The following LUZP1 variants were observed in gnomAD, a reference collection of about 807,000 sequenced individuals.
LUZP1 encodes the protein filamin mechanobinding actin cross-linking protein.
A neutral mutation model predicts 71.3 loss-of-function variants in LUZP1; 25 were observed. That is an observed-to-expected ratio of 0.35 (90% CI 0.26 to 0.49). The LOEUF is 0.49. Among genes scored for constraint, LUZP1 ranks in the 20% least tolerant of loss-of-function variants. The probability of loss-of-function intolerance (pLI) is 0.99; values close to 1 mark genes in which losing one functional copy is unlikely to be tolerated. For missense variants in LUZP1, 1,142 were observed against 1,300.8 expected (o/e 0.88, Z 1.88); for synonymous variants, 481 against 506.4 (o/e 0.95, Z 0.67).
rs1048930097 is a variant in LUZP1, at chr1:23,119,947, T to TG, written c.-225-10821_-225-10820insC. The stretch of plus-strand genomic sequence containing the variant: ...CAGGTTTTGTTTTTTGTTGGTAGTT[T>TG]TTTTTTTTTTTAAAGACAGAGTCGT... On this transcript the variant is annotated intron_variant, in intron 2 of 4. Transcript: ENST00000302291. 3.3e-4 allele frequency among the ~76,000 whole-genome samples: 50 copies of TG among 151,418 alleles called. No homozygotes were observed. The Middle Eastern group carries it at 0.021, about 62-fold the overall frequency.
intron 2 of LUZP1, among the ~76,000 whole-genome samples, chr1:23,152,465 A>C (rs922033518): frequency 1.3e-5 from 2 of 152,172 alleles, no homozygotes; most frequent in African/African-American, 4.8e-5. Context: ...GGCAAAAGAG[A>C]GGCTATGTCT....
chr1:23,126,632 C>T (rs922364120), intron 2 of LUZP1, among the ~76,000 whole-genome samples: 1 of 152,210 alleles, frequency 6.6e-6, no homozygotes, highest in African/African-American at 2.4e-5. Context: ...AGATGCTCCA[C>T]AGAAGTTTAA....
At chr1:23,144,249 A>G (rs1013518975) in intron 2 of LUZP1, among the ~76,000 whole-genome samples, 25 of 152,220 alleles carry the variant, frequency 1.6e-4, no homozygotes, top group African/African-American at 5.8e-4. Context: ...AGAGATGGAA[A>G]GAGTACATCT....
intron 3 of LUZP1, among the ~76,000 whole-genome samples, chr1:23,107,507 T>C (rs1471854421): frequency 1.3e-5 from 2 of 152,186 alleles, no homozygotes; most frequent in Admixed American, 6.5e-5. Context: ...TTATGTGTAA[T>C]AGGTATGTGT....
chr1:23,137,379 A>G (rs1644263019), intron 2 of LUZP1, among the ~76,000 whole-genome samples: 1 of 152,158 alleles, frequency 6.6e-6, no homozygotes, highest in Admixed American at 6.6e-5. Context: ...GGTGGCTCAC[A>G]CCTGTAATCC....
At position 23,138,687 on chromosome 1, in the gene LUZP1, GTGTGTGTGTGTATATATA is replaced by G. The variant is rs1644275126; in HGVS notation, c.-225-29578_-225-29561del. Among the ~76,000 whole-genome samples, 9 of 106,000 alleles carry G rather than the reference GTGTGTGTGTGTATATATA, an allele frequency of 8.5e-5. No homozygotes were observed. In the East Asian group the frequency reaches 1.8e-3, roughly 22 times the overall value. 69.5% of individuals were successfully genotyped at this position (106,000 alleles called of 152,430 possible). On this transcript the variant is annotated intron_variant, in intron 2 of 4. Coordinates refer to ENST00000302291, the Ensembl canonical transcript of LUZP1. ...TTTGTGTGTGTGTGTGTGTGTGTGT[GTGTGTGTGTGTATATATA>G]TATATATATAAATGAGGCCAGGCAC...
chr1:23,136,478 T>C (rs998254229), intron 2 of LUZP1, among the ~76,000 whole-genome samples: 7 of 152,312 alleles, frequency 4.6e-5, no homozygotes, highest in Non-Finnish European at 7.4e-5. Flanking sequence ...CAGGACCTTA[T>C]CAACTCAAAC....
intron 2 of LUZP1, chr1:23,133,814 G>A (rs1644233244): frequency 6.6e-6 from 1 of 151,916 alleles, no homozygotes; most frequent in South Asian, 2.1e-4. Flanking sequence ...GAGATAGACT[G>A]ACATTATATG....
At chr1:23,119,970 C>G (rs916566694) in intron 2 of LUZP1, among the ~76,000 whole-genome samples, 1 of 151,180 alleles carries the variant, frequency 6.6e-6, no homozygotes, top group South Asian at 2.1e-4. Context: ...AAGACAGAGT[C>G]GTGCTCTGTC....
chr1:23,111,192 G>A (rs951133678), intron 2 of LUZP1, among the ~76,000 whole-genome samples: 1 of 76,246 alleles, frequency 1.3e-5, no homozygotes, highest in Non-Finnish European at 2.6e-5. Context: ...ACAGTGAGAC[G>A]CTGTCTCAAA....
intron 2 of LUZP1, among the ~76,000 whole-genome samples, chr1:23,165,707 T>C (rs1237398820): frequency 6.6e-6 from 1 of 152,172 alleles, no homozygotes; most frequent in Non-Finnish European, 1.5e-5. Flanking sequence ...TTGCTATGCA[T>C]CTATTATATG....
intron 2 of LUZP1, among the ~76,000 whole-genome samples, chr1:23,139,365 T>C (rs1039517047): frequency 1.3e-5 from 2 of 151,982 alleles, no homozygotes; most frequent in Non-Finnish European, 2.9e-5. Flanking sequence ...CAACAACAGA[T>C]GTACAAAGGG....
chr1:23,133,992 C>T (rs1002701937), intron 2 of LUZP1, among the ~76,000 whole-genome samples: 2 of 152,130 alleles, frequency 1.3e-5, no homozygotes, highest in Non-Finnish European at 2.9e-5. Context: ...TAAAGATATA[C>T]ACACAAACAA....
intron 2 of LUZP1, chr1:23,140,332 C>A (rs183079933): frequency 6.6e-6 from 1 of 152,232 alleles, no homozygotes; most frequent in Admixed American, 6.5e-5. Context: ...ACATATTACA[C>A]TTACACCAAG....
chr1:23,098,758 G>A (rs1381973574), intron 3 of LUZP1, among the ~76,000 whole-genome samples: 1 of 152,216 alleles, frequency 6.6e-6, no homozygotes, highest in African/African-American at 2.4e-5. Context: ...CACCACTGGA[G>A]AGGGAAGAAA....
intron 2 of LUZP1, among the ~76,000 whole-genome samples, chr1:23,167,286 C>CT (rs1299294591): frequency 1.3e-5 from 2 of 152,182 alleles, no homozygotes; most frequent in Admixed American, 6.5e-5. Flanking sequence ...TCTCCCGGCT[C>CT]TGACACCAGT....
rs766081145 is a variant in LUZP1, at chr1:23,094,169, C to T, written c.93G>A (p.Glu31=). ...CTTTCTGGAGGTTTTTTGTGGCTTC[C>T]TCCAACTCATCAAGGCGGCGGCTTA... Residue 31 remains glutamate (E), a synonymous_variant, in exon 4 of 5, where the codon GAG becomes GAA. Coordinates refer to ENST00000302291, the Ensembl canonical transcript of LUZP1. This position sits in a 1 kb window ranked among gnomAD's most constrained non-coding sequence, Gnocchi z 4.7. The T allele has an allele frequency of 8.1e-6, 13 of 1,614,036 alleles. No individual in the cohort carries two copies. The Admixed American group carries it at 1.8e-4, about 23-fold the overall frequency.
At chr1:23,100,404 A>G (rs1643921426) in intron 3 of LUZP1, among the ~76,000 whole-genome samples, 1 of 152,202 alleles carries the variant, frequency 6.6e-6, no homozygotes, top group African/African-American at 2.4e-5. Flanking sequence ...TCTCATCCCT[A>G]GCCCTGTGCC....
chr1:23,115,500 G>A (rs1644070463), intron 2 of LUZP1, among the ~76,000 whole-genome samples: 1 of 152,116 alleles, frequency 6.6e-6, no homozygotes, highest in African/African-American at 2.4e-5. Context: ...TGAGATTAAT[G>A]TATCTATTTG....
Sources: allele counts gnomAD v4.1 joint callset (sites outside exome capture counted in the v4.1 genomes callset), GRCh38; gene constraint gnomAD v4.1.1; non-coding constraint Gnocchi (gnomAD v3.1); transcripts MANE v1.5; gene names NCBI Gene and HGNC (gene_info 2026-07-23, HGNC 2026-07-21).